TMEM59L: variants seen among roughly 807,000 people sequenced by gnomAD.
The protein encoded by TMEM59L is transmembrane protein 59 like.
In TMEM59L, 31 loss-of-function variants were observed where a neutral mutation model predicts 39.6. That is an observed-to-expected ratio of 0.78 (90% CI 0.59 to 1.06). The LOEUF (loss-of-function observed/expected upper bound fraction) is 1.06, where lower values mean the gene tolerates loss of function less well. TMEM59L is among the 50% of genes least tolerant of loss of function. TMEM59L has a pLI of 0.00. For missense variants in TMEM59L, 441 were observed against 451.3 expected (o/e 0.98, Z 0.21); for synonymous variants, 219 against 202.9 (o/e 1.08, Z -0.68).
chr19:18,613,811 T>A, intron 1 of TMEM59L, 61 bp from the exon 2 acceptor site: 1 of 1,344,964 alleles, frequency 7.4e-7, no homozygotes, highest in Non-Finnish European at 1.0e-6. Context: ...AATGCTCCGG[T>A]CCCCCCACCC....
rs1976399958 is a variant in TMEM59L at position 18,613,949 on chromosome 19, C to T, written c.249C>T (p.Leu83=). The change falls in exon 2 of 8, where the codon CTC becomes CTT. Residue 83 remains leucine, a synonymous_variant. Transcript: ENST00000262817. ...LISACERGCR[L]FSICRFVARS... ...GCGCTTGCGAGCGTGGCTGCCGCCT[C>T]TTCTCCATCTGCCGATTTGTGGCCA... is the stretch of plus-strand genomic sequence containing the variant. 8 of 1,613,272 alleles carry T rather than the reference C, an allele frequency of 5.0e-6. No individual in the cohort carries two copies. The highest frequency in any genetic ancestry group is 6.8e-6 in the Non-Finnish European group (8 of 1,180,036).
In TMEM59L at chr19:18,620,645, C is replaced by A; in HGVS notation, c.*109C>A. On this transcript the variant is annotated 3_prime_UTR_variant, in exon 8 of 8. Coordinates refer to ENST00000262817, the MANE Select transcript of TMEM59L (RefSeq NM_012109.3). ...GGGTCCAGCCTTGAGCCCCTCCACC[C>A]CCAAATCCTTCCTCTCCTCCCAGTC... 1.4e-6 allele frequency: 2 copies of A among 1,409,112 alleles called. No homozygotes were observed. Among genetic ancestry groups the A allele is most frequent in the Non-Finnish European group, 1.9e-6 (2 of 1,073,158 alleles). The allele number at this position is 1,409,112 out of a possible 1,614,324, so 87.3% of individuals were successfully genotyped here.
chr19:18,616,117 T>G lies in TMEM59L; in HGVS notation c.551T>G (p.Val184Gly). 6.2e-7 allele frequency: 1 copy of G among 1,613,846 alleles called. No individual in the cohort carries two copies. Among genetic ancestry groups the G allele is most frequent in the Non-Finnish European group, 8.5e-7 (1 of 1,179,890 alleles). Reference sequence around the variant, plus strand: ...TTGCAGACTGACAATGGGAAAGTGGTGGTGTTTCAGGTGAGACCTCTGACA... The same window carrying G: ...TTGCAGACTGACAATGGGAAAGTGGGGGTGTTTCAGGTGAGACCTCTGACA... ...YYLQTDNGKV[V>G]VFQTQPIVES... The change falls in exon 4 of 8, where the codon GTG becomes GGG. Residue 184 changes from valine to glycine, a missense_variant. By Grantham distance (109) the Val-to-Gly change is moderately radical. Transcript: ENST00000262817.
chr19:18,614,255 G>A lies in TMEM59L; in HGVS notation c.408+60G>A, dbSNP rs1022128013. On this transcript the variant is annotated intron_variant, in intron 3 of 7. Transcript: ENST00000262817. ...CCAATACCCCCACCCTCTTCACCCC[G>A]TGGGAAATCTTCATTCACGTGCAGA... is the stretch of plus-strand genomic sequence containing the variant. 15 of 1,515,286 alleles carry A rather than the reference G, an allele frequency of 9.9e-6. No homozygotes were observed. The African/African-American group carries it at 1.4e-4, about 14-fold the overall frequency. The allele number at this position is 1,515,286 out of a possible 1,614,324, so 93.9% of individuals were successfully genotyped here.
At chr19:18,620,143 A>G (rs1485041959) in intron 7 of TMEM59L, among the ~76,000 whole-genome samples, 1 of 151,512 alleles carries the variant, frequency 6.6e-6, no homozygotes, top group Non-Finnish European at 1.5e-5. Flanking sequence ...ATCTACTAAT[A>G]ATACAAAAAT....
In TMEM59L at chr19:18,613,865, C is replaced by T. The variant is rs760251141; in HGVS notation, c.172-7C>T. On this transcript the variant is annotated splice_region_variant and splice_polypyrimidine_tract_variant and intron_variant, in intron 1 of 7. Coordinates refer to ENST00000262817, the MANE Select transcript of TMEM59L (RefSeq NM_012109.3). ...TGGCCTGAGCCCCCTGTCCTCCCCTCCCCCAGGCGGGGCTGGAGGGCGCCT... is the reference window on the plus strand; with the variant it reads ...TGGCCTGAGCCCCCTGTCCTCCCCTTCCCCAGGCGGGGCTGGAGGGCGCCT... The T allele has an allele frequency of 3.1e-6, 5 of 1,608,940 alleles. No individual in the cohort carries two copies. Among genetic ancestry groups the T allele is most frequent in the African/African-American group, 1.3e-5 (1 of 74,860 alleles).
At chr19:18,620,233 C>T (rs975007677) in intron 7 of TMEM59L, among the ~76,000 whole-genome samples, 175 bp from the exon 8 acceptor site, 6 of 150,414 alleles carry the variant, frequency 4.0e-5, no homozygotes, top group African/African-American at 9.8e-5. Context: ...ACCTAGGAGG[C>T]GGAGGTTGCA....
chr19:18,613,477 C>T (rs1976392670), intron 1 of TMEM59L, among the ~76,000 whole-genome samples: 1 of 151,694 alleles, frequency 6.6e-6, no homozygotes, highest in African/African-American at 2.4e-5. Flanking sequence ...GTTCCCTCCC[C>T]ACTCAGAGCT....
rs375974260 is a variant in TMEM59L, at chr19:18,617,133, C to T, written c.664+31C>T. 3.9e-6 allele frequency: 6 copies of T among 1,556,732 alleles called. No homozygotes were observed. In the African/African-American group the frequency reaches 4.1e-5, roughly 11 times the overall value. The stretch of plus-strand genomic sequence containing the variant: ...GTGCAACCTAGACCAGTGTTCCTTC[C>T]ATGGGTGGCCCCACTGCCACAAGGA... On this transcript the variant is annotated intron_variant, in intron 5 of 7. Transcript: ENST00000262817.
chr19:18,620,100 G>A (rs898676160), intron 7 of TMEM59L, among the ~76,000 whole-genome samples: 2 of 151,286 alleles, frequency 1.3e-5, no homozygotes, highest in African/African-American at 2.4e-5. Flanking sequence ...TCAGGAGTTC[G>A]AGACCAGCCT....
chr19:18,617,398 G>T (rs760096047), intron 5 of TMEM59L: 1 of 522,590 alleles, frequency 1.9e-6, no homozygotes, highest in Non-Finnish European at 3.7e-6. Context: ...GGGTTCCGTG[G>T]CCCACCTCCC....
At position 18,616,390 on chromosome 19, in the gene TMEM59L, G is replaced by T. The variant is rs550800087; in HGVS notation, c.561+263G>T. On this transcript the variant is annotated intron_variant, in intron 4 of 7. Coordinates refer to ENST00000262817, the MANE Select transcript of TMEM59L (RefSeq NM_012109.3). Reference sequence around the variant, plus strand: ...GTTACAAACGCTGTGGTTTTTTTTTGTTGTTGTTGTTGTTGTTTTGAGATG... The same window carrying T: ...GTTACAAACGCTGTGGTTTTTTTTTTTTGTTGTTGTTGTTGTTTTGAGATG... 8.8e-3 allele frequency among the ~76,000 whole-genome samples: 1,336 copies of T among 151,780 alleles called. 18 individuals are homozygous for T. The highest frequency in any genetic ancestry group is 0.024 in the South Asian group (117 of 4,788).
chr19:18,614,329 A>G, intron 3 of TMEM59L, 134 bp downstream of exon 3: 1 of 969,638 alleles, frequency 1.0e-6, no homozygotes, highest in Non-Finnish European at 1.5e-6. Context: ...GGCAACCTCC[A>G]TCCAGCCCCG....
chr19:18,617,001 C>A lies in TMEM59L; in HGVS notation c.563C>A (p.Thr188Asn). Residue 188 changes from threonine (T) to asparagine (N), a missense_variant and splice_region_variant, in exon 5 of 8, where the codon ACT (threonine) becomes AAT (asparagine). Physicochemically the swap from Thr to Asn is moderately conservative, Grantham distance 65 (BLOSUM62 0). Coordinates refer to ENST00000262817, the MANE Select transcript of TMEM59L (RefSeq NM_012109.3). ...TGTGCTGTCTTGTTCCTGGCCCAGA[C>A]TCAGCCCATAGTGGAGAGCCTCGGC... ...TDNGKVVVFQ[T>N]QPIVESLGFQ... The A allele has an allele frequency of 6.2e-7, 1 of 1,606,842 alleles. No individual in the cohort carries two copies. The highest frequency in any genetic ancestry group is 1.1e-5 in the South Asian group (1 of 90,282).
At chr19:18,617,194 C>G in intron 5 of TMEM59L, 92 bp downstream of exon 5, 1 of 939,136 alleles carries the variant, frequency 1.1e-6, no homozygotes, top group Non-Finnish European at 1.7e-6. Flanking sequence ...GGATCGGGAT[C>G]TCCATCTCTC....
At chr19:18,615,345 T>C (rs1976416463) in intron 3 of TMEM59L, among the ~76,000 whole-genome samples, 1 of 152,168 alleles carries the variant, frequency 6.6e-6, no homozygotes, top group Non-Finnish European at 1.5e-5. Flanking sequence ...TTTTTAGTAA[T>C]AGGGACTACT....
At chr19:18,617,144 C>G in intron 5 of TMEM59L, 42 bp downstream of exon 5, 1 of 1,496,248 alleles carries the variant, frequency 6.7e-7, no homozygotes, top group Non-Finnish European at 9.3e-7. Flanking sequence ...ATGGGTGGCC[C>G]CACTGCCACA....
At chr19:18,613,371 T>C (rs1425141349) in intron 1 of TMEM59L, among the ~76,000 whole-genome samples, 1 of 152,008 alleles carries the variant, frequency 6.6e-6, no homozygotes, top group Non-Finnish European at 1.5e-5. Flanking sequence ...CCCGGGCTCC[T>C]TCCGCACTCT....
At chr19:18,617,450 C>T (rs778110483) in intron 5 of TMEM59L, 4 of 477,510 alleles carry the variant, frequency 8.4e-6, no homozygotes, top group South Asian at 3.1e-5. Flanking sequence ...TTCCGCCTCC[C>T]AGCGTTCTGT....
Sources: allele counts gnomAD v4.1 joint callset (sites outside exome capture counted in the v4.1 genomes callset), GRCh38; gene constraint gnomAD v4.1.1; transcripts MANE v1.5; gene names NCBI Gene and HGNC (gene_info 2026-07-23, HGNC 2026-07-21).